Variants in FRMD4B observed in about 807,000 individuals in gnomAD.
FRMD4B encodes the protein FERM domain containing 4B.
A neutral mutation model predicts 141.5 loss-of-function variants in FRMD4B; 74 were observed. The observed-to-expected ratio is 0.52, with a 90% CI of 0.43 to 0.63. FRMD4B has a LOEUF of 0.63. Among genes scored for constraint, FRMD4B ranks in the 30% least tolerant of loss-of-function variants. FRMD4B has a pLI of 0.00. For missense variants in FRMD4B, 1,366 were observed against 1,253.4 expected, an observed-to-expected ratio of 1.09 and a Z score of -1.36; for synonymous variants, 506 against 467.9, an observed-to-expected ratio of 1.08 and a Z score of -1.05.
intron 5 of FRMD4B, among the ~76,000 whole-genome samples, chr3:69,281,618 G>T (rs1001882425): frequency 2.0e-5 from 3 of 151,950 alleles, no homozygotes; most frequent in African/African-American, 7.3e-5. Context: ...CAGGTCAGGA[G>T]TTCGAGACCA....
At chr3:69,323,608 G>A (rs867676680) in intron 1 of FRMD4B, among the ~76,000 whole-genome samples, 6 of 101,694 alleles carry the variant, frequency 5.9e-5, no homozygotes, top group South Asian at 3.9e-4. Context: ...CTCTCTCTGT[G>A]TATATATATA....
At chr3:69,375,711 C>G (rs1329756472) in intron 1 of FRMD4B, among the ~76,000 whole-genome samples, 1 of 152,160 alleles carries the variant, frequency 6.6e-6, no homozygotes, top group Non-Finnish European at 1.5e-5. Flanking sequence ...GTGTTAGAGT[C>G]AGCTAGCATG....
chr3:69,209,081 T>C (rs1196786865), intron 11 of FRMD4B, among the ~76,000 whole-genome samples: 4 of 151,130 alleles, frequency 2.6e-5, no homozygotes, highest in Non-Finnish European at 5.9e-5. Flanking sequence ...GAGGTGGAGG[T>C]TGCAGTGAGC....
chr3:69,418,178 T>G (rs1039872827), intron 2 of FRMD4B, among the ~76,000 whole-genome samples: 34 of 152,220 alleles, frequency 2.2e-4, no homozygotes, highest in Non-Finnish European at 2.8e-4. Context: ...CTTTTTCATC[T>G]CTAAAATGTA....
intron 1 of FRMD4B, among the ~76,000 whole-genome samples, chr3:69,487,458 C>T (rs1337070553): frequency 1.3e-5 from 2 of 152,120 alleles, no homozygotes; most frequent in Admixed American, 1.3e-4. Flanking sequence ...ATAAAACTAA[C>T]CCAGCCTATC....
At chr3:69,434,102 C>T (rs1435807601) in intron 1 of FRMD4B, among the ~76,000 whole-genome samples, 1 of 152,132 alleles carries the variant, frequency 6.6e-6, no homozygotes, top group Non-Finnish European at 1.5e-5. Flanking sequence ...GGATTAAGCC[C>T]TGTAAACAAT....
chr3:69,501,892 C>T (rs575747867), intron 1 of FRMD4B, among the ~76,000 whole-genome samples: 3 of 152,068 alleles, frequency 2.0e-5, no homozygotes, highest in African/African-American at 7.2e-5. Flanking sequence ...CAAAAACAGA[C>T]AAACAGAGAG....
intron 7 of FRMD4B, among the ~76,000 whole-genome samples, chr3:69,245,143 A>G (rs1043606521): frequency 1.3e-5 from 2 of 152,190 alleles, no homozygotes; most frequent in Non-Finnish European, 2.9e-5. Flanking sequence ...TTATAATTGT[A>G]AGTCCCATTT....
chr3:69,175,769 CTTTTTTTTTTTT>C (rs141059202), intron 22 of FRMD4B, among the ~76,000 whole-genome samples: 22 of 88,094 alleles, frequency 2.5e-4, no homozygotes, highest in African/African-American at 7.1e-4. Flanking sequence ...CTTTTCTTCT[CTTTTTTTTTTTT>C]TTTTTTTTTT....
At chr3:69,476,173 A>G (rs1705994260) in intron 1 of FRMD4B, among the ~76,000 whole-genome samples, 1 of 151,230 alleles carries the variant, frequency 6.6e-6, no homozygotes, top group Non-Finnish European at 1.5e-5. Context: ...CTCTGATGGT[A>G]GTTTCTTTTG....
intron 1 of FRMD4B, among the ~76,000 whole-genome samples, chr3:69,501,339 A>G (rs1392929697): frequency 2.6e-5 from 4 of 151,262 alleles, no homozygotes; most frequent in African/African-American, 9.7e-5. Flanking sequence ...AAGATTAGAC[A>G]TCCCTGGTAT....
chr3:69,441,762 T>C (rs1382500236), intron 1 of FRMD4B, among the ~76,000 whole-genome samples: 1 of 152,214 alleles, frequency 6.6e-6, no homozygotes, highest in Admixed American at 6.5e-5. Context: ...TGGTTGCTCC[T>C]CCTGTGTCCT....
intron 1 of FRMD4B, among the ~76,000 whole-genome samples, chr3:69,477,510 T>C (rs2106967509): frequency 6.6e-6 from 1 of 151,862 alleles, no homozygotes; most frequent in East Asian, 1.9e-4. Context: ...TTACGTTTAT[T>C]GATTTGCATA....
At chr3:69,539,308 TA>T (rs1243453544) in intron 1 of FRMD4B, among the ~76,000 whole-genome samples, 1 of 152,188 alleles carries the variant, frequency 6.6e-6, no homozygotes, top group Non-Finnish European at 1.5e-5. Flanking sequence ...AACGGAGAAC[TA>T]GGATTCTCAG....
chr3:69,242,604 A>C (rs1253024936), intron 7 of FRMD4B, among the ~76,000 whole-genome samples: 1 of 139,098 alleles, frequency 7.2e-6, no homozygotes, highest in African/African-American at 2.7e-5. Flanking sequence ...CCCAGCACTG[A>C]ATTGCAAAAT....
At chr3:69,224,813 T>C in intron 7 of FRMD4B, 123 bp from the exon 8 acceptor site, 1 of 641,198 alleles carries the variant, frequency 1.6e-6, no homozygotes, top group East Asian at 2.7e-5. Context: ...AACATACACA[T>C]GGTTATGGAC....
rs185544948 is a variant in FRMD4B, at chr3:69,284,159, G to A, written c.501+3593C>T. ...AACACAGTGAACTCCCTGAGCTAAG[G>A]AGATGCAGCAACTCCTTAGTCTGGG... On this transcript the variant is annotated intron_variant, in intron 5 of 22. Coordinates refer to ENST00000398540, the MANE Select transcript of FRMD4B (RefSeq NM_015123.3). Among the ~76,000 whole-genome samples, 430 of 152,216 alleles carry A rather than the reference G, an allele frequency of 2.8e-3. 2 individuals carry two copies. The highest frequency in any genetic ancestry group is 9.0e-3 in the African/African-American group (372 of 41,534).
intron 1 of FRMD4B, among the ~76,000 whole-genome samples, chr3:69,525,416 G>T (rs1489904095): frequency 6.6e-6 from 1 of 152,154 alleles, no homozygotes; most frequent in Admixed American, 6.5e-5. Flanking sequence ...TCAGAGGGAT[G>T]GAGTCACTGT....
At chr3:69,212,990 G>T (rs73097720) in intron 11 of FRMD4B, among the ~76,000 whole-genome samples, 13,129 of 152,086 alleles carry the variant, frequency 0.086, 575 homozygotes, top group Middle Eastern at 0.11. Context: ...TTTTTATTAT[G>T]CTCTGCAAAC....
Sources: allele counts gnomAD v4.1 joint callset (sites outside exome capture counted in the v4.1 genomes callset), GRCh38; gene constraint gnomAD v4.1.1; transcripts MANE v1.5; gene names NCBI Gene and HGNC (gene_info 2026-07-23, HGNC 2026-07-21).